Variants in GNAL observed in about 807,000 individuals in gnomAD.
The protein encoded by GNAL is guanine nucleotide-binding protein G(olf) subunit alpha.
In GNAL, 18 loss-of-function variants were observed where a neutral mutation model predicts 55.1. The observed-to-expected ratio is 0.33, with a 90% CI of 0.23 to 0.48. The LOEUF is 0.48. Among genes scored for constraint, GNAL ranks in the 20% least tolerant of loss-of-function variants. The pLI is 0.99. For missense variants in GNAL, 412 were observed against 614.1 expected (o/e 0.67, Z 3.48); for synonymous variants, 253 against 237.0 (o/e 1.07, Z -0.62).
chr18:11,794,759 T>TAAA (rs775143875), intron 4 of GNAL, among the ~76,000 whole-genome samples: 64 of 90,356 alleles, frequency 7.1e-4, no homozygotes, highest in African/African-American at 2.4e-3. Context: ...ACACACAGGT[T>TAAA]AAAAAAAAAA....
intron 1 of GNAL, among the ~76,000 whole-genome samples, chr18:11,730,719 G>A (rs1303833209): frequency 7.2e-5 from 11 of 151,910 alleles, no homozygotes; most frequent in South Asian, 2.1e-4. Flanking sequence ...ACCTGAGATC[G>A]CGTCACTGCA....
chr18:11,860,975 G>A (rs189310597), intron 5 of GNAL, among the ~76,000 whole-genome samples: 91 of 152,302 alleles, frequency 6.0e-4, no homozygotes, highest in Non-Finnish European at 1.2e-3. Context: ...GTTCTGAACC[G>A]TTTCGTCTCC....
At chr18:11,768,555 C>T (rs1351157040) in intron 4 of GNAL, among the ~76,000 whole-genome samples, 2 of 151,838 alleles carry the variant, frequency 1.3e-5, no homozygotes, top group East Asian at 3.9e-4. Flanking sequence ...GAGCTGAGAT[C>T]ACGCCACTGC....
intron 1 of GNAL, among the ~76,000 whole-genome samples, chr18:11,738,904 C>T (rs1200721781): frequency 1.3e-5 from 2 of 152,182 alleles, no homozygotes; most frequent in Non-Finnish European, 2.9e-5. Context: ...ACCTGGGGGA[C>T]TCAATACCCA....
chr18:11,871,567 A>G (rs1164797298), intron 9 of GNAL, among the ~76,000 whole-genome samples: 2 of 152,198 alleles, frequency 1.3e-5, no homozygotes. Context: ...TTATTAATTG[A>G]TAGTAAGATT....
At chr18:11,736,546 CCT>C (rs2032467791) in intron 1 of GNAL, among the ~76,000 whole-genome samples, 1 of 152,124 alleles carries the variant, frequency 6.6e-6, no homozygotes, top group Non-Finnish European at 1.5e-5. Context: ...TTCTGCAACC[CCT>C]GTTTGCAGAA....
At position 11,689,474 on chromosome 18, in the gene GNAL, C is replaced by A. The variant is rs1158566302; in HGVS notation, c.-90C>A. 3 of 540,422 alleles carry A rather than the reference C, an allele frequency of 5.6e-6. No individual in the cohort carries two copies. The East Asian group carries it at 1.1e-4, about 21-fold the overall frequency. 33.5% of individuals were successfully genotyped at this position (540,422 alleles called of 1,614,324 possible). A position where few individuals can be genotyped will look rare whatever the true frequency, so the allele number is the denominator to read the frequency against. On this transcript the variant is annotated 5_prime_UTR_variant, in exon 1 of 12. Coordinates refer to ENST00000334049, the MANE Select transcript of GNAL (RefSeq NM_182978.4). Reference sequence around the variant, plus strand: ...GCCCCCTCCCGCCCCTCCGCTGAGGCGCCGGCCTGAACTGGGCGCGGGAAC... The same window carrying A: ...GCCCCCTCCCGCCCCTCCGCTGAGGAGCCGGCCTGAACTGGGCGCGGGAAC...
intron 11 of GNAL, among the ~76,000 whole-genome samples, chr18:11,879,163 GT>G (rs35500223): frequency 1.4e-4 from 21 of 146,900 alleles, no homozygotes; most frequent in Non-Finnish European, 1.7e-4. Flanking sequence ...GTGTCCATAA[GT>G]TTTTTTTTTA....
At chr18:11,831,204 C>A (rs563604959) in intron 5 of GNAL, among the ~76,000 whole-genome samples, 25 of 152,188 alleles carry the variant, frequency 1.6e-4, no homozygotes, top group Admixed American at 1.5e-3. Context: ...GAATCCAGGG[C>A]AGGAAAGGCA....
chr18:11,802,494 A>G (rs1010676952), intron 4 of GNAL, among the ~76,000 whole-genome samples: 2 of 152,188 alleles, frequency 1.3e-5, no homozygotes, highest in African/African-American at 2.4e-5. Context: ...GTCTTGTTGC[A>G]GGCAGTGGCT....
intron 4 of GNAL, among the ~76,000 whole-genome samples, chr18:11,781,803 A>C (rs536095769): frequency 8.5e-5 from 13 of 152,324 alleles, no homozygotes; most frequent in Admixed American, 3.3e-4. Flanking sequence ...AACTTAGGAG[A>C]TGCTATTGCC....
chr18:11,760,367 C>A (rs1254570400), intron 4 of GNAL, among the ~76,000 whole-genome samples: 4 of 152,050 alleles, frequency 2.6e-5, no homozygotes, highest in African/African-American at 9.7e-5. Flanking sequence ...CTGTTCTTTG[C>A]CTTTTGAGCT....
chr18:11,788,744 T>C (rs969166693), intron 4 of GNAL, among the ~76,000 whole-genome samples: 3 of 150,274 alleles, frequency 2.0e-5, no homozygotes, highest in Non-Finnish European at 4.4e-5. Flanking sequence ...CTAAAAATAC[T>C]AAATTAGCTG....
At chr18:11,861,963 T>TACACACACACACACACACAC (rs56087854) in intron 5 of GNAL, among the ~76,000 whole-genome samples, 15 of 148,162 alleles carry the variant, frequency 1.0e-4, no homozygotes, top group Non-Finnish European at 2.1e-4. Context: ...CACGCAGTCA[T>TACACACACACACACACACAC]ACACACACAC....
At chr18:11,732,551 C>T (rs924305684) in intron 1 of GNAL, among the ~76,000 whole-genome samples, 6 of 151,326 alleles carry the variant, frequency 4.0e-5, no homozygotes, top group Admixed American at 1.3e-4. Flanking sequence ...CTCAAGCACA[C>T]GTAACTCTAC....
intron 4 of GNAL, among the ~76,000 whole-genome samples, chr18:11,783,274 G>C (rs2033969339): frequency 6.6e-6 from 1 of 152,154 alleles, no homozygotes; most frequent in South Asian, 2.1e-4. Context: ...CTTCCAAGAG[G>C]CAGTGCCTCT....
In GNAL at chr18:11,727,170, A is replaced by G. The variant is rs142273259; in HGVS notation, c.377-25683A>G. Among the ~76,000 whole-genome samples, 127 of 152,080 alleles carry G rather than the reference A, an allele frequency of 8.4e-4. 3 individuals carry two copies. In the East Asian group the frequency reaches 0.022, roughly 27 times the overall value. On this transcript the variant is annotated intron_variant, in intron 1 of 11. Coordinates refer to ENST00000334049, the MANE Select transcript of GNAL (RefSeq NM_182978.4). ...CTGGGTCCCCACTACCACCCTGCCCAGCCCTGCAAGGCCCTTCCCTAGGCT... is the reference window on the plus strand; with the variant it reads ...CTGGGTCCCCACTACCACCCTGCCCGGCCCTGCAAGGCCCTTCCCTAGGCT...
intron 1 of GNAL, among the ~76,000 whole-genome samples, chr18:11,709,105 A>G (rs1436357408): frequency 2.6e-5 from 4 of 152,266 alleles, no homozygotes; most frequent in South Asian, 2.1e-4. Context: ...TCAAAGATCA[A>G]TTGACTATAT....
At chr18:11,846,120 T>TAG (rs927653772) in intron 5 of GNAL, among the ~76,000 whole-genome samples, 1 of 152,082 alleles carries the variant, frequency 6.6e-6, no homozygotes, top group African/African-American at 2.4e-5. Flanking sequence ...GTACCAGCCT[T>TAG]AGAGGGACAG....
Sources: allele counts gnomAD v4.1 joint callset (sites outside exome capture counted in the v4.1 genomes callset), GRCh38; gene constraint gnomAD v4.1.1; transcripts MANE v1.5; gene names NCBI Gene and HGNC (gene_info 2026-07-23, HGNC 2026-07-21).